Variants in SYNE2 observed in about 807,000 individuals in gnomAD.
SYNE2 encodes spectrin repeat containing nuclear envelope protein 2, also known as nesprin-2.
SYNE2 carries 431 observed loss-of-function variants against 856.3 expected under a neutral mutation model. The observed-to-expected ratio is 0.50, with a 90% CI of 0.47 to 0.55. The LOEUF (loss-of-function observed/expected upper bound fraction) is 0.55, where lower values mean the gene tolerates loss of function less well. SYNE2 is among the 20% of genes least tolerant of loss of function. The pLI is 0.00. For missense variants in SYNE2, 8,129 were observed against 8,023.2 expected (o/e 1.01, Z -0.50); for synonymous variants, 2,923 against 2,872.3 (o/e 1.02, Z -0.56).
chr14:64,048,177 GACA>G, intron 46 of SYNE2, 22 bp downstream of exon 46: 3 of 1,609,172 alleles, frequency 1.9e-6, no homozygotes, highest in Non-Finnish European at 2.5e-6. Context: ...TAAAAACACT[GACA>G]ACATGATTGC....
At chr14:64,084,889 AG>A (rs755403790) in intron 57 of SYNE2, 2 of 697,342 alleles carry the variant, frequency 2.9e-6, no homozygotes, top group East Asian at 5.4e-5. Context: ...GACTTGTGTG[AG>A]GGAGGAGGTG....
At chr14:63,796,087 A>G (rs1887905228) in intron 1 of SYNE2, among the ~76,000 whole-genome samples, 1 of 152,216 alleles carries the variant, frequency 6.6e-6, no homozygotes. Context: ...TGCAGCTAAT[A>G]AGTAGCAAGC....
chr14:63,814,477 A>ATATATGTCCATATATAATT (rs1209220093), intron 1 of SYNE2, among the ~76,000 whole-genome samples: 9 of 114,268 alleles, frequency 7.9e-5, no homozygotes, highest in African/African-American at 2.8e-4. Context: ...CATATATAAT[A>ATATATGTCCATATATAATT]TATATCCTTA....
At position 64,048,068 on chromosome 14, in the gene SYNE2, T is replaced by G. The variant is rs769271860; in HGVS notation, c.7290T>G (p.Thr2430=). 1 of 1,613,776 alleles carries G rather than the reference T, an allele frequency of 6.2e-7. No homozygotes were observed. Among genetic ancestry groups the G allele is most frequent in the Non-Finnish European group, 8.5e-7 (1 of 1,179,806 alleles). The part of the protein sequence containing the change: ...SLNAQESMKN[T]EDERKVNELQ... ...ATGCTCAAGAAAGCATGAAAAACACTGAAGATGAGCGGAAAGTCAATGAGC... is the reference window on the plus strand; with the variant it reads ...ATGCTCAAGAAAGCATGAAAAACACGGAAGATGAGCGGAAAGTCAATGAGC... Residue 2430 remains threonine (T), a synonymous_variant, in exon 46 of 116, where the codon ACT becomes ACG. Coordinates refer to ENST00000555002, the MANE Select transcript of SYNE2 (RefSeq NM_182914.3).
intron 111 of SYNE2, 34 bp downstream of exon 111, chr14:64,220,671 G>T: frequency 1.2e-6 from 2 of 1,610,152 alleles, no homozygotes; most frequent in Non-Finnish European, 1.7e-6. Context: ...TCCCAGAGCC[G>T]GTACCCAGGC....
intron 63 of SYNE2, among the ~76,000 whole-genome samples, chr14:64,100,521 AAAAAAAAAAAAT>A (rs1191876123): frequency 1.5e-5 from 1 of 66,686 alleles, no homozygotes; most frequent in Non-Finnish European, 2.5e-5. Context: ...TCTCAAAAAA[AAAAAAAAAAAAT>A]ATATATATAT....
intron 41 of SYNE2, 82 bp downstream of exon 41, chr14:64,025,503 C>A: frequency 7.4e-7 from 1 of 1,344,432 alleles, no homozygotes; most frequent in South Asian, 1.3e-5. Flanking sequence ...TAAAGATGTG[C>A]TTCTTAATGG....
rs148430528 is a variant in SYNE2 at position 64,102,266 on chromosome 14, G to A, written c.12492+224G>A. Among the ~76,000 whole-genome samples, 759 of 152,170 alleles carry A rather than the reference G, an allele frequency of 5.0e-3. 4 individuals are homozygous for A. Among genetic ancestry groups the A allele is most frequent in the African/African-American group, 0.017 (704 of 41,518 alleles). The stretch of plus-strand genomic sequence containing the variant: ...CAAGTAGCTGGGATTACAGGCACAC[G>A]TCACCACGCCCAGCTAATTTTTGTA... On this transcript the variant is annotated intron_variant, in intron 64 of 115. Transcript: ENST00000555002.
intron 34 of SYNE2, among the ~76,000 whole-genome samples, chr14:64,019,476 C>T (rs2096920078): frequency 6.6e-6 from 1 of 152,004 alleles, no homozygotes; most frequent in Non-Finnish European, 1.5e-5. Flanking sequence ...TTTCAAGTTT[C>T]CTGGATAAAT....
chr14:64,019,922 A>G lies in SYNE2; in HGVS notation c.5050-70A>G, dbSNP rs181474677. The G allele has an allele frequency of 4.8e-5, 48 of 994,206 alleles. No homozygotes were observed. In the East Asian group the frequency reaches 1.1e-3, roughly 22 times the overall value. The allele number at this position is 994,206 out of a possible 1,614,324, so 61.6% of individuals were successfully genotyped here. Reference sequence around the variant, plus strand: ...CTCTCAGTTTCTATATATAAACAGTAGTAATTATGGGTATCAGAAAATAAG... The same window carrying G: ...CTCTCAGTTTCTATATATAAACAGTGGTAATTATGGGTATCAGAAAATAAG... On this transcript the variant is annotated intron_variant, in intron 34 of 115. Transcript: ENST00000555002.
At chr14:64,189,047 C>G (rs575026828) in intron 98 of SYNE2, 436 of 698,574 alleles carry the variant, frequency 6.2e-4, no homozygotes, top group Non-Finnish European at 1.1e-3. Flanking sequence ...TAAGAAGCTC[C>G]CCTTGGCCTG....
At chr14:63,800,680 A>G (rs1479897344) in intron 1 of SYNE2, among the ~76,000 whole-genome samples, 1 of 152,236 alleles carries the variant, frequency 6.6e-6, no homozygotes, top group Non-Finnish European at 1.5e-5. Flanking sequence ...ATGGAGCTGG[A>G]GGCCATTATT....
chr14:63,779,839 C>T (rs1292416128), intron 1 of SYNE2, among the ~76,000 whole-genome samples: 1 of 151,776 alleles, frequency 6.6e-6, no homozygotes, highest in Admixed American at 6.6e-5. Flanking sequence ...TGAACTGGGG[C>T]TTGAACTGGG....
chr14:63,896,778 TTAA>T (rs1052458129), intron 1 of SYNE2, among the ~76,000 whole-genome samples: 4 of 152,164 alleles, frequency 2.6e-5, no homozygotes, highest in Admixed American at 2.6e-4. Flanking sequence ...TTTTAAAGAG[TTAA>T]TAATGACTAT....
chr14:64,221,363 C>G (rs958293811), intron 111 of SYNE2, among the ~76,000 whole-genome samples: 1 of 152,204 alleles, frequency 6.6e-6, no homozygotes, highest in Non-Finnish European at 1.5e-5. Context: ...CACTTTTATT[C>G]GCGGCCTCCT....
chr14:63,798,700 C>G (rs1030579370), intron 1 of SYNE2, among the ~76,000 whole-genome samples: 1 of 151,950 alleles, frequency 6.6e-6, no homozygotes, highest in Non-Finnish European at 1.5e-5. Flanking sequence ...GGCCTGAAAA[C>G]CTTACTTTAA....
chr14:64,149,054 T>G (rs561575106), intron 84 of SYNE2, among the ~76,000 whole-genome samples: 2 of 150,996 alleles, frequency 1.3e-5, no homozygotes, highest in East Asian at 3.9e-4. Context: ...ACACCTGTAA[T>G]CCCAGAAATT....
rs1243500337 is a variant in SYNE2 at position 63,774,875 on chromosome 14, G to A, written c.-305+12889G>A. Among the ~76,000 whole-genome samples the A allele has an allele frequency of 3.3e-5, 5 of 152,222 alleles. No individual in the cohort carries two copies. In the East Asian group the frequency reaches 9.6e-4, roughly 29 times the overall value. On this transcript the variant is annotated intron_variant, in intron 1 of 23. Transcript: ENST00000674003. ...CATGTTAGGCACTGACAGAATTACA[G>A]CATTAATAATATGACATGATCTGTG...
intron 100 of SYNE2, among the ~76,000 whole-genome samples, chr14:64,206,728 G>C (rs2098607073): frequency 6.6e-6 from 1 of 151,972 alleles, no homozygotes; most frequent in Admixed American, 6.5e-5. Flanking sequence ...AAAATACAGA[G>C]CATTCATATT....
Sources: allele counts gnomAD v4.1 joint callset (sites outside exome capture counted in the v4.1 genomes callset), GRCh38; gene constraint gnomAD v4.1.1; transcripts MANE v1.5; gene names NCBI Gene and HGNC (gene_info 2026-07-23, HGNC 2026-07-21).